The following TNK2 variants were observed in gnomAD, a reference collection of about 807,000 sequenced individuals.
TNK2 encodes tyrosine kinase non receptor 2, also known as activated CDC42 kinase 1.
A neutral mutation model predicts 101.8 loss-of-function variants in TNK2; 83 were observed. The ratio of observed to expected loss-of-function variants is 0.82; its 90% CI spans 0.68 to 0.98. TNK2 has a LOEUF of 0.98. TNK2 is among the 50% of genes least tolerant of loss of function. TNK2 has a pLI of 0.00. For missense variants in TNK2, 1,665 were observed against 1,483.2 expected (o/e 1.12, Z -2.01); for synonymous variants, 804 against 633.0 (o/e 1.27, Z -4.06).
At chr3:195,892,486 C>T in intron 1 of TNK2, 1 of 1,535,548 alleles carries the variant, frequency 6.5e-7, no homozygotes, top group South Asian at 1.2e-5. Flanking sequence ...GTGCTGCCGG[C>T]ATCTCCACGC....
At chr3:195,872,535 C>T in intron 9 of TNK2, 65 bp from the exon 10 acceptor site, 1 of 1,487,538 alleles carries the variant, frequency 6.7e-7, no homozygotes, top group Non-Finnish European at 9.0e-7. Flanking sequence ...CTGGGACCCT[C>T]CTCACACCCT....
chr3:195,876,097 G>A (rs919467074), intron 9 of TNK2, among the ~76,000 whole-genome samples: 8 of 152,160 alleles, frequency 5.3e-5, no homozygotes, highest in African/African-American at 1.9e-4. Flanking sequence ...CCAGGCCAAG[G>A]ACCCGCAATG....
intron 10 of TNK2, chr3:195,870,437 G>A (rs1390472120): frequency 2.9e-6 from 4 of 1,369,688 alleles, no homozygotes; most frequent in Admixed American, 2.1e-5. Context: ...AGGACCTCAG[G>A]GACTCCAACT....
At position 195,878,219 on chromosome 3, in the gene TNK2, A is replaced by G. The variant is rs1242604577; in HGVS notation, c.1256+34T>C. ...CCCTCCGACCTGTGCCCTTCAAGCG[A>G]TCCCAGGGCGGGGCCCAGCCCTGCA... is the stretch of plus-strand genomic sequence containing the variant. On this transcript the variant is annotated intron_variant, in intron 9 of 15. Transcript: ENST00000672887. The surrounding 1 kb of genome is among the most constrained non-coding windows in gnomAD (Gnocchi z 4.7). 6.2e-7 allele frequency: 1 copy of G among 1,607,626 alleles called. No individual in the cohort carries two copies. The highest frequency in any genetic ancestry group is 1.3e-5 in the African/African-American group (1 of 74,782).
intron 1 of TNK2, chr3:195,896,929 T>G (rs1039701559): frequency 2.6e-5 from 4 of 152,262 alleles, no homozygotes; most frequent in African/African-American, 7.2e-5. Flanking sequence ...GGCGCAGACA[T>G]GACAGGCAAT....
chr3:195,870,490 C>A lies in TNK2; in HGVS notation c.1452-285G>T, dbSNP rs1176128211. On this transcript the variant is annotated intron_variant, in intron 10 of 15. Coordinates refer to ENST00000672887, the MANE Select transcript of TNK2 (RefSeq NM_001382273.1). ...AGGTGGTCCTCCACAACCCCCCAGG[C>A]CCCCAGCCCACACCAGGCAGCGGCC... is the stretch of plus-strand genomic sequence containing the variant. 3.8e-6 allele frequency: 4 copies of A among 1,050,028 alleles called. No homozygotes were observed. The Admixed American group carries it at 1.1e-4, about 28-fold the overall frequency. 65.0% of individuals were successfully genotyped at this position (1,050,028 alleles called of 1,614,324 possible). A position where few individuals can be genotyped will look rare whatever the true frequency, so the allele number is the denominator to read the frequency against.
At chr3:195,893,521 A>G (rs1477483357) in intron 1 of TNK2, among the ~76,000 whole-genome samples, 2 of 152,022 alleles carry the variant, frequency 1.3e-5, no homozygotes, top group Non-Finnish European at 2.9e-5. Flanking sequence ...GACACAGACC[A>G]CGGCCTCAGA....
chr3:195,865,947 C>G (rs55920263), intron 15 of TNK2, among the ~76,000 whole-genome samples: 24,645 of 152,218 alleles, frequency 0.16, 2,137 homozygotes, highest in African/African-American at 0.2. Flanking sequence ...CAGGGCCACG[C>G]TGCTGGGACA....
In TNK2 at chr3:195,870,104, G is replaced by A. The variant is rs776868339; in HGVS notation, c.1543+10C>T. Reference sequence around the variant, plus strand: ...GAGTTAGGGACACCAGGGAGCAGAGGGGCTCTTACTTTTCACCCCTCCTAG... The same window carrying A: ...GAGTTAGGGACACCAGGGAGCAGAGAGGCTCTTACTTTTCACCCCTCCTAG... On this transcript the variant is annotated intron_variant, in intron 11 of 15. Coordinates refer to ENST00000672887, the MANE Select transcript of TNK2 (RefSeq NM_001382273.1). 45 of 1,454,284 alleles carry A rather than the reference G, an allele frequency of 3.1e-5. No individual in the cohort carries two copies. The highest frequency in any genetic ancestry group is 4.0e-5 in the Non-Finnish European group (44 of 1,098,332). The allele number at this position is 1,454,284 out of a possible 1,614,324, so 90.1% of individuals were successfully genotyped here.
chr3:195,892,494 C>T (rs922779661), intron 1 of TNK2: 35 of 1,535,234 alleles, frequency 2.3e-5, no homozygotes, highest in African/African-American at 2.2e-4. Context: ...GGCATCTCCA[C>T]GCAGCGGGAC....
intron 1 of TNK2, among the ~76,000 whole-genome samples, chr3:195,903,995 A>G (rs1761486192): frequency 6.6e-6 from 1 of 152,198 alleles, no homozygotes; most frequent in Non-Finnish European, 1.5e-5. Context: ...GTACCATCTC[A>G]TAACAGCATT....
chr3:195,895,296 C>G (rs757579542), intron 1 of TNK2: 2 of 1,573,770 alleles, frequency 1.3e-6, no homozygotes, highest in African/African-American at 2.8e-5. Flanking sequence ...GATCTCTCCC[C>G]CATGGAGCCC....
chr3:195,901,297 A>G (rs1488332390), intron 1 of TNK2, among the ~76,000 whole-genome samples: 1 of 152,132 alleles, frequency 6.6e-6, no homozygotes, highest in Non-Finnish European at 1.5e-5. Flanking sequence ...GGGGAGGGCA[A>G]ATGTTAGCGG....
intron 1 of TNK2, among the ~76,000 whole-genome samples, chr3:195,893,857 C>G (rs546428984): frequency 3.1e-4 from 47 of 152,336 alleles, no homozygotes; most frequent in Non-Finnish European, 5.3e-4. Flanking sequence ...GCATCCCAGG[C>G]TCCCTTCCCA....
chr3:195,890,881 C>T (rs917566490), intron 1 of TNK2, among the ~76,000 whole-genome samples: 7 of 152,336 alleles, frequency 4.6e-5, no homozygotes, highest in African/African-American at 1.4e-4. Flanking sequence ...CAAAACTCCC[C>T]TCTCGGTCAG....
intron 2 of TNK2, among the ~76,000 whole-genome samples, chr3:195,887,917 C>T (rs977333587): frequency 5.7e-5 from 8 of 141,120 alleles, no homozygotes; most frequent in African/African-American, 8.2e-5. Context: ...CACGTGCATG[C>T]GTGCGTGCAC....
At chr3:195,880,301 T>C (rs1751664602) in intron 6 of TNK2, among the ~76,000 whole-genome samples, 1 of 152,108 alleles carries the variant, frequency 6.6e-6, no homozygotes, top group Non-Finnish European at 1.5e-5. Flanking sequence ...TAGAACATGC[T>C]TACCAACGAG....
At chr3:195,868,807 G>GCAACC in intron 12 of TNK2, 98 bp from the exon 13 acceptor site, 1 of 1,377,886 alleles carries the variant, frequency 7.3e-7, no homozygotes, top group Non-Finnish European at 9.5e-7. Flanking sequence ...GTGTCCCCCA[G>GCAACC]CAACCCTCCA....
rs1738876173 is a variant in TNK2 at position 195,863,933 on chromosome 3, C to T, written c.*248G>A. 1.9e-6 allele frequency: 1 copy of T among 523,070 alleles called. No individual in the cohort carries two copies. Among genetic ancestry groups the T allele is most frequent in the African/African-American group, 1.9e-5 (1 of 52,544 alleles). 32.4% of individuals were successfully genotyped at this position (523,070 alleles called of 1,614,324 possible). ...CTGGGGCAGCCCTCAAGCCTGTCTTCACCCGGCCCCTTCCACATCTTGGCA... is the reference window on the plus strand; with the variant it reads ...CTGGGGCAGCCCTCAAGCCTGTCTTTACCCGGCCCCTTCCACATCTTGGCA... On this transcript the variant is annotated 3_prime_UTR_variant, in exon 16 of 16. Coordinates refer to ENST00000672887, the MANE Select transcript of TNK2 (RefSeq NM_001382273.1).
Sources: gnomAD v4.1 joint callset for allele counts (sites outside exome capture counted in the v4.1 genomes callset) on GRCh38, gnomAD v4.1.1 for gene constraint, Gnocchi (gnomAD v3.1) non-coding constraint, MANE v1.5 for transcripts, NCBI Gene and HGNC (gene_info 2026-07-23, HGNC 2026-07-21) for gene names.